HIPK2: variants seen among roughly 807,000 people sequenced by gnomAD.
The protein encoded by HIPK2 is homeodomain interacting protein kinase 2.
A neutral mutation model predicts 113.7 loss-of-function variants in HIPK2; 27 were observed. The ratio of observed to expected loss-of-function variants is 0.24; its 90% confidence interval spans 0.17 to 0.33. HIPK2 has a LOEUF of 0.33. Among genes scored for constraint, HIPK2 ranks in the 10% least tolerant of loss-of-function variants. The probability of loss-of-function intolerance (pLI) is 1.00; values close to 1 mark genes in which losing one functional copy is unlikely to be tolerated. For synonymous variants in HIPK2, 631 were observed against 642.2 expected (o/e 0.98, Z 0.26); for missense variants, 1,257 against 1,588.0 (o/e 0.79, Z 3.54).
At chr7:139,611,412 A>G (rs1252265560) in intron 9 of HIPK2, among the ~76,000 whole-genome samples, 1 of 152,240 alleles carries the variant, frequency 6.6e-6, no homozygotes, top group Non-Finnish European at 1.5e-5. Context: ...TACAAAATAT[A>G]TTAATATAAC....
chr7:139,596,158 A>G (rs1272194831), intron 12 of HIPK2, among the ~76,000 whole-genome samples: 1 of 152,236 alleles, frequency 6.6e-6, no homozygotes, highest in Non-Finnish European at 1.5e-5. Flanking sequence ...TGTAAATATA[A>G]TAAAGATTTC....
intron 7 of HIPK2, among the ~76,000 whole-genome samples, chr7:139,620,034 G>T (rs999728748): frequency 5.9e-5 from 9 of 152,106 alleles, no homozygotes; most frequent in African/African-American, 1.9e-4. Context: ...AAGTGCTGGG[G>T]TTATAGGCAT....
intron 2 of HIPK2, among the ~76,000 whole-genome samples, chr7:139,691,737 G>A (rs571514231): frequency 9.2e-5 from 14 of 152,358 alleles, no homozygotes; most frequent in East Asian, 3.9e-4. Flanking sequence ...CTGGCTCTGC[G>A]TCCAGGGACA....
intron 12 of HIPK2, among the ~76,000 whole-genome samples, chr7:139,592,411 T>C (rs1799057643): frequency 2.6e-5 from 4 of 152,192 alleles, no homozygotes; most frequent in African/African-American, 2.4e-5. Context: ...ATATGATCAG[T>C]TGATGTGAAC....
intron 1 of HIPK2, among the ~76,000 whole-genome samples, chr7:139,720,900 G>A (rs111334459): frequency 0.022 from 3,321 of 152,260 alleles, 120 homozygotes; most frequent in African/African-American, 0.076. Context: ...GGCCGTCCAC[G>A]GTGCAGAAGT....
intron 13 of HIPK2, among the ~76,000 whole-genome samples, chr7:139,579,508 C>G (rs1302574448): frequency 6.6e-6 from 1 of 152,152 alleles, no homozygotes; most frequent in Non-Finnish European, 1.5e-5. Context: ...AATTCTATTA[C>G]AAATCCCAGG....
intron 2 of HIPK2, among the ~76,000 whole-genome samples, chr7:139,635,094 C>T (rs932832938): frequency 6.6e-6 from 1 of 152,244 alleles, no homozygotes; most frequent in Non-Finnish European, 1.5e-5. Flanking sequence ...TGCCTCCTCT[C>T]ACGTGGATCT....
chr7:139,714,256 T>C lies in HIPK2; in HGVS notation c.1103+1676A>G, dbSNP rs1585410572. On this transcript the variant is annotated intron_variant, in intron 2 of 14. Coordinates refer to ENST00000406875, the MANE Select transcript of HIPK2 (RefSeq NM_022740.5). The surrounding 1 kb of genome is among the most constrained non-coding windows in gnomAD (Gnocchi z 4.2). ...CTGTTCTAACTCAGGAAATGCCTCC[T>C]AAAGGGAAGAGGGAAGAGACAGAAA... 2.6e-5 allele frequency among the ~76,000 whole-genome samples: 4 copies of C among 152,088 alleles called. No individual in the cohort carries two copies. Among genetic ancestry groups the C allele is most frequent in the Admixed American group, 2.6e-4 (4 of 15,274 alleles).
intron 1 of HIPK2, among the ~76,000 whole-genome samples, chr7:139,745,431 A>G (rs1432570750): frequency 2.6e-5 from 4 of 152,340 alleles, no homozygotes; most frequent in Middle Eastern, 3.4e-3. Flanking sequence ...AAGTGACTCC[A>G]TGGGGAACCA....
chr7:139,754,144 G>T (rs1796327079), intron 1 of HIPK2, among the ~76,000 whole-genome samples: 1 of 152,196 alleles, frequency 6.6e-6, no homozygotes, highest in African/African-American at 2.4e-5. Flanking sequence ...TTGGAAGTGG[G>T]GAGAAAGTAG....
Position 139,716,536 on chromosome 7 carries a change from T to C in HIPK2, c.499A>G (p.Thr167Ala). 1 of 1,614,000 alleles carries C rather than the reference T, an allele frequency of 6.2e-7. No homozygotes were observed. Among genetic ancestry groups the C allele is most frequent in the Non-Finnish European group, 8.5e-7 (1 of 1,179,884 alleles). ...TTTTTGGAGGTGGCAGTAGACGTGGTGGCAGTGGCGACAGTGGCCCCGCTT... is the reference window on the plus strand; with the variant it reads ...TTTTTGGAGGTGGCAGTAGACGTGGCGGCAGTGGCGACAGTGGCCCCGCTT... ...NASGATVATA[T>A]TSTATSKNSG... The change falls in exon 2 of 15, where the codon ACC becomes GCC. Residue 167 changes from threonine (T) to alanine (A), a missense_variant. By Grantham distance (58) the Thr-to-Ala change is moderately conservative (BLOSUM62 0). Coordinates refer to ENST00000406875, the MANE Select transcript of HIPK2 (RefSeq NM_022740.5). This position sits in a 1 kb window ranked among gnomAD's most constrained non-coding sequence, Gnocchi z 9.3.
intron 1 of HIPK2, among the ~76,000 whole-genome samples, chr7:139,775,154 C>T (rs1157724699): frequency 2.0e-5 from 3 of 152,208 alleles, no homozygotes; most frequent in East Asian, 1.9e-4. Flanking sequence ...TCAAAACCCA[C>T]AAGGAATCCC....
chr7:139,620,250 C>G, intron 7 of HIPK2, 151 bp downstream of exon 7: 1 of 1,182,004 alleles, frequency 8.5e-7, no homozygotes, highest in Non-Finnish European at 1.2e-6. Context: ...CTGGGTCCCT[C>G]AAAGGAAATA....
intron 1 of HIPK2, among the ~76,000 whole-genome samples, chr7:139,720,513 G>C (rs984311760): frequency 6.6e-6 from 1 of 152,096 alleles, no homozygotes; most frequent in Non-Finnish European, 1.5e-5. Flanking sequence ...TACTTCACCC[G>C]TTTCTTCCCA....
intron 6 of HIPK2, among the ~76,000 whole-genome samples, chr7:139,624,049 G>A (rs1484977081): frequency 6.7e-6 from 1 of 148,768 alleles, no homozygotes; most frequent in South Asian, 2.1e-4. Context: ...TTTTGACGGA[G>A]TCTCGCTCTG....
At chr7:139,711,360 G>A (rs1002553793) in intron 2 of HIPK2, among the ~76,000 whole-genome samples, 9 of 152,036 alleles carry the variant, frequency 5.9e-5, no homozygotes, top group African/African-American at 1.9e-4. Context: ...CCTGGGAGGC[G>A]GAGTTTGCAG....
intron 2 of HIPK2, among the ~76,000 whole-genome samples, chr7:139,646,483 G>C (rs2116425340): frequency 7.4e-6 from 1 of 135,548 alleles, no homozygotes; most frequent in East Asian, 2.1e-4. Flanking sequence ...CTGGGTGACA[G>C]AGTAAGACCT....
chr7:139,576,625 C>T (rs776196148), intron 13 of HIPK2, among the ~76,000 whole-genome samples: 2 of 152,176 alleles, frequency 1.3e-5, no homozygotes, highest in Non-Finnish European at 2.9e-5. Flanking sequence ...TGACTGTGTA[C>T]CACCAGGGAC....
At chr7:139,776,533 C>A (rs1796754170) in intron 1 of HIPK2, among the ~76,000 whole-genome samples, 1 of 152,056 alleles carries the variant, frequency 6.6e-6, no homozygotes, top group Non-Finnish European at 1.5e-5. Context: ...CCCCCTCGTG[C>A]CCTCCTCTGT....
Sources: gnomAD v4.1 joint callset for allele counts (sites outside exome capture counted in the v4.1 genomes callset) on GRCh38, gnomAD v4.1.1 for gene constraint, Gnocchi (gnomAD v3.1) non-coding constraint, MANE v1.5 for transcripts, NCBI Gene and HGNC (gene_info 2026-07-23, HGNC 2026-07-21) for gene names.